The following SSBP2 variants were observed in gnomAD, a reference collection of about 807,000 sequenced individuals.
SSBP2 encodes single stranded DNA binding protein 2.
SSBP2 carries 17 observed loss-of-function variants against 61.8 expected under a neutral mutation model. That is an observed-to-expected ratio of 0.28 (90% CI 0.19 to 0.41). The LOEUF is 0.41. Ranked by LOEUF, SSBP2 falls within the 10% of genes least tolerant of loss-of-function variation. SSBP2 has a pLI of 1.00. For synonymous variants in SSBP2, 139 were observed against 141.3 expected, an observed-to-expected ratio of 0.98 and a Z score of 0.12; for missense variants, 310 against 458.7, an observed-to-expected ratio of 0.68 and a Z score of 2.96.
At chr5:81,572,810 C>A (rs561160676) in intron 4 of SSBP2, among the ~76,000 whole-genome samples, 1 of 152,138 alleles carries the variant, frequency 6.6e-6, no homozygotes, top group South Asian at 2.1e-4. Flanking sequence ...AAACTGTATG[C>A]CATAGGATAT....
intron 4 of SSBP2, among the ~76,000 whole-genome samples, chr5:81,537,841 C>T (rs957311418): frequency 6.6e-6 from 1 of 152,064 alleles, no homozygotes; most frequent in Admixed American, 6.6e-5. Context: ...TGAGACACAA[C>T]AATATTGAAA....
intron 6 of SSBP2, among the ~76,000 whole-genome samples, chr5:81,476,998 ATG>A (rs760728020): frequency 2.7e-5 from 4 of 150,492 alleles, no homozygotes; most frequent in South Asian, 2.1e-4. Context: ...GTGTGTGTGT[ATG>A]TGTGTGTGTG....
intron 1 of SSBP2, among the ~76,000 whole-genome samples, chr5:81,719,833 A>T (rs368516): frequency 0.8 from 121,987 of 151,960 alleles, 49,248 homozygotes; most frequent in Middle Eastern, 0.9. Context: ...CTGGTTTGAG[A>T]AATTTCAGTG....
intron 6 of SSBP2, among the ~76,000 whole-genome samples, chr5:81,486,981 G>C (rs953197952): frequency 2.0e-5 from 3 of 152,176 alleles, no homozygotes; most frequent in African/African-American, 7.2e-5. Flanking sequence ...CTCAAAGATA[G>C]CATAATTTCA....
intron 2 of SSBP2, among the ~76,000 whole-genome samples, chr5:81,640,118 G>A (rs1434034734): frequency 6.6e-6 from 1 of 152,192 alleles, no homozygotes; most frequent in Non-Finnish European, 1.5e-5. Context: ...GGGAGGCAAA[G>A]GCAGGTGGAT....
At chr5:81,532,077 T>C (rs1387365763) in intron 4 of SSBP2, among the ~76,000 whole-genome samples, 1 of 152,086 alleles carries the variant, frequency 6.6e-6, no homozygotes, top group Non-Finnish European at 1.5e-5. Context: ...TGAAAAGTTA[T>C]CAACTGATCA....
At chr5:81,598,136 A>C (rs1046368918) in intron 4 of SSBP2, among the ~76,000 whole-genome samples, 1 of 152,138 alleles carries the variant, frequency 6.6e-6, no homozygotes, top group Admixed American at 6.5e-5. Context: ...ACTTACTCAG[A>C]AAATATCAAG....
intron 1 of SSBP2, among the ~76,000 whole-genome samples, chr5:81,732,856 C>T (rs1756358496): frequency 6.6e-6 from 1 of 152,200 alleles, no homozygotes; most frequent in Non-Finnish European, 1.5e-5. Flanking sequence ...TAGCCCCTCA[C>T]CCGCTGCTCA....
intron 4 of SSBP2, among the ~76,000 whole-genome samples, chr5:81,516,670 G>A (rs999200737): frequency 2.6e-4 from 39 of 152,088 alleles, no homozygotes; most frequent in African/African-American, 7.9e-4. Flanking sequence ...GATAATAAAC[G>A]CTATAGAGGT....
chr5:81,527,247 A>C (rs954673684), intron 4 of SSBP2, among the ~76,000 whole-genome samples: 11 of 152,040 alleles, frequency 7.2e-5, no homozygotes, highest in African/African-American at 2.7e-4. Context: ...CTCTTTGAGA[A>C]AATGAAATAG....
At chr5:81,590,341 G>A (rs1775404928) in intron 4 of SSBP2, among the ~76,000 whole-genome samples, 1 of 152,198 alleles carries the variant, frequency 6.6e-6, no homozygotes, top group Admixed American at 6.5e-5. Context: ...TTCCAAGTAA[G>A]AGGTAGAAGG....
intron 4 of SSBP2, among the ~76,000 whole-genome samples, chr5:81,553,627 C>A (rs1361459216): frequency 3.3e-5 from 5 of 152,000 alleles, no homozygotes; most frequent in Non-Finnish European, 7.4e-5. Flanking sequence ...CAAACATCAT[C>A]AAAATATACA....
chr5:81,571,208 T>C (rs1773812917), intron 4 of SSBP2, among the ~76,000 whole-genome samples: 1 of 152,258 alleles, frequency 6.6e-6, no homozygotes, highest in African/African-American at 2.4e-5. Flanking sequence ...CTGCCATAAA[T>C]CCATAAATCA....
At chr5:81,658,962 T>G (rs1460210811) in intron 1 of SSBP2, among the ~76,000 whole-genome samples, 1 of 152,178 alleles carries the variant, frequency 6.6e-6, no homozygotes, top group East Asian at 1.9e-4. Flanking sequence ...TCGATAAAAT[T>G]CAACATCTCA....
intron 2 of SSBP2, among the ~76,000 whole-genome samples, chr5:81,643,677 A>C (rs1749005518): frequency 7.7e-6 from 1 of 130,248 alleles, no homozygotes; most frequent in Admixed American, 1.0e-4. Flanking sequence ...ATCTGGGCTC[A>C]CTGCAACCTC....
At chr5:81,474,086 T>A (rs1765431180) in intron 7 of SSBP2, among the ~76,000 whole-genome samples, 1 of 152,154 alleles carries the variant, frequency 6.6e-6, no homozygotes, top group Non-Finnish European at 1.5e-5. Context: ...AGGGATTTGG[T>A]TATTGAGATT....
In SSBP2 at chr5:81,415,256, T is replaced by C. The variant is rs1040647745; in HGVS notation, c.*5248A>G. Reference sequence around the variant, plus strand: ...TTCACTGGCCACTTGTATCGATTAATGTTTTCAAAGACAGAGAACTACAGT... The same window carrying C: ...TTCACTGGCCACTTGTATCGATTAACGTTTTCAAAGACAGAGAACTACAGT... On this transcript the variant is annotated 3_prime_UTR_variant, in exon 17 of 17. Coordinates refer to ENST00000320672, the MANE Select transcript of SSBP2 (RefSeq NM_012446.5). 1.3e-5 allele frequency: 2 copies of C among 152,232 alleles called. No homozygotes were observed. Among genetic ancestry groups the C allele is most frequent in the African/African-American group, 4.8e-5 (2 of 41,460 alleles). The allele number at this position is 152,232 out of a possible 1,614,324, so 9.4% of individuals were successfully genotyped here. A position where few individuals can be genotyped will look rare whatever the true frequency, so the allele number is the denominator to read the frequency against.
At chr5:81,599,857 G>T (rs1744164397) in intron 4 of SSBP2, among the ~76,000 whole-genome samples, 1 of 152,204 alleles carries the variant, frequency 6.6e-6, no homozygotes, top group Non-Finnish European at 1.5e-5. Context: ...CCTCCTGGAA[G>T]ACTTCCTTCA....
At chr5:81,471,376 A>G (rs1287753749) in intron 8 of SSBP2, among the ~76,000 whole-genome samples, 5 of 151,914 alleles carry the variant, frequency 3.3e-5, no homozygotes, top group East Asian at 1.9e-4. Context: ...TACTAATAAC[A>G]GAGATGATAA....
Sources: gnomAD v4.1 joint callset for allele counts (sites outside exome capture counted in the v4.1 genomes callset) on GRCh38, gnomAD v4.1.1 for gene constraint, MANE v1.5 for transcripts, NCBI Gene and HGNC (gene_info 2026-07-23, HGNC 2026-07-21) for gene names.